The following C5orf63 variants were observed in gnomAD, a reference collection of about 807,000 sequenced individuals.
The protein encoded by C5orf63 is chromosome 5 open reading frame 63, also known as glutaredoxin-like protein C5orf63.
Under a neutral mutation model 13.3 loss-of-function variants are expected in C5orf63, and 18 were observed. The observed-to-expected ratio is 1.36, with a 90% CI of 0.94 to 2.01. The LOEUF is 2.01. Ranked by LOEUF, C5orf63 falls within the 30% of genes most tolerant of loss-of-function variation. The probability of loss-of-function intolerance (pLI) is 0.00; values close to 1 mark genes in which losing one functional copy is unlikely to be tolerated. For missense variants in C5orf63, 118 were observed against 127.7 expected, an observed-to-expected ratio of 0.92 and a Z score of 0.36; for synonymous variants, 38 against 44.7, an observed-to-expected ratio of 0.85 and a Z score of 0.60.
intron 2 of C5orf63, among the ~76,000 whole-genome samples, chr5:127,065,151 A>G (rs986536324): frequency 6.6e-6 from 1 of 152,222 alleles, no homozygotes; most frequent in African/African-American, 2.4e-5. Flanking sequence ...TCTTAACTAA[A>G]ACAATAAAGT....
chr5:127,069,448 C>T (rs539325238), intron 2 of C5orf63, among the ~76,000 whole-genome samples: 7 of 152,314 alleles, frequency 4.6e-5, no homozygotes, highest in Admixed American at 4.6e-4. Context: ...GTTTGCAATT[C>T]AAAAACCATC....
intron 2 of C5orf63, among the ~76,000 whole-genome samples, chr5:127,068,214 A>C (rs1754401432): frequency 6.6e-6 from 1 of 152,204 alleles, no homozygotes. Flanking sequence ...AGAAGGGGAA[A>C]TCACATGCTA....
intron 3 of C5orf63, among the ~76,000 whole-genome samples, chr5:127,054,232 T>A (rs573713212): frequency 6.6e-6 from 1 of 152,126 alleles, no homozygotes; most frequent in Non-Finnish European, 1.5e-5. Flanking sequence ...AATATGTGTA[T>A]ATATTTTTAT....
intron 3 of C5orf63, among the ~76,000 whole-genome samples, chr5:127,056,732 T>C (rs764460005): frequency 2.6e-5 from 4 of 152,188 alleles, no homozygotes; most frequent in Admixed American, 6.5e-5. Flanking sequence ...GCTGAAGAGA[T>C]TGTTAACATG....
intron 2 of C5orf63, among the ~76,000 whole-genome samples, chr5:127,059,736 A>G (rs1344381994): frequency 2.6e-5 from 4 of 151,484 alleles, no homozygotes; most frequent in African/African-American, 9.7e-5. Context: ...CTCAAAAAAA[A>G]AAAAAAAGAA....
At position 127,052,633 on chromosome 5, in the gene C5orf63, G is replaced by A; in HGVS notation, c.151C>T (p.Leu51Phe). 1 of 1,507,514 alleles carries A rather than the reference G, an allele frequency of 6.6e-7. No individual in the cohort carries two copies. The highest frequency in any genetic ancestry group is 8.8e-7 in the Non-Finnish European group (1 of 1,136,610). The allele number at this position is 1,507,514 out of a possible 1,614,324, so 93.4% of individuals were successfully genotyped here. A position where few individuals can be genotyped will look rare whatever the true frequency, so the allele number is the denominator to read the frequency against. ...CPLCDEAKEV[L>F]KPYENRFILQ... is the part of the protein sequence containing the mutation. Reference sequence around the variant, plus strand: ...ATTACCCTGTTTTCATAAGGCTTGAGTACTTCCTTGGCTTCATCACAAAGG... The same window carrying A: ...ATTACCCTGTTTTCATAAGGCTTGAATACTTCCTTGGCTTCATCACAAAGG... The change falls in exon 4 of 5, where the codon CTC (leucine) becomes TTC (phenylalanine). Residue 51 changes from leucine (L) to phenylalanine (F), a missense_variant. By Grantham distance (22) the Leu-to-Phe change is conservative (BLOSUM62 0). Coordinates refer to ENST00000296662, the MANE Select transcript of C5orf63 (RefSeq NM_001164478.2).
chr5:127,053,693 C>T (rs1166683432), intron 3 of C5orf63, among the ~76,000 whole-genome samples: 1 of 152,200 alleles, frequency 6.6e-6, no homozygotes, highest in East Asian at 1.9e-4. Flanking sequence ...GTTTGGTTTT[C>T]TGTCCATGCG....
At chr5:127,064,815 T>C (rs1754258079) in intron 2 of C5orf63, among the ~76,000 whole-genome samples, 1 of 152,224 alleles carries the variant, frequency 6.6e-6, no homozygotes, top group African/African-American at 2.4e-5. Flanking sequence ...CGATGGGTGC[T>C]ACATTAATTT....
intron 3 of C5orf63, among the ~76,000 whole-genome samples, chr5:127,055,720 G>A (rs1753857775): frequency 6.6e-6 from 1 of 152,014 alleles, no homozygotes; most frequent in African/African-American, 2.4e-5. Flanking sequence ...ACTCAACACA[G>A]GATCTTAAAA....
At chr5:127,045,336 ATC>A (rs886217496) in exon 5 of C5orf63, 2 of 152,180 alleles carry the variant, frequency 1.3e-5, no homozygotes, top group African/African-American at 4.8e-5. Flanking sequence ...ATAGGGGATA[ATC>A]TGTTTTCTTT....
intron 2 of C5orf63, among the ~76,000 whole-genome samples, chr5:127,069,611 G>A (rs185441046): frequency 2.0e-5 from 3 of 152,302 alleles, no homozygotes; most frequent in Admixed American, 2.0e-4. Flanking sequence ...TGGACATTGA[G>A]TTGCTAAATC....
intron 2 of C5orf63, among the ~76,000 whole-genome samples, chr5:127,062,160 A>G (rs1754134484): frequency 6.6e-6 from 1 of 152,266 alleles, no homozygotes; most frequent in African/African-American, 2.4e-5. Context: ...CCCAAGACAA[A>G]TAAAACCTGT....
At position 127,061,392 on chromosome 5, in the gene C5orf63, A is replaced by G. The variant is rs951965287; in HGVS notation, c.-7-2390T>C. On this transcript the variant is annotated intron_variant, in intron 2 of 4. Coordinates refer to ENST00000296662, the MANE Select transcript of C5orf63 (RefSeq NM_001164478.2). ...GAACAAAAAGACTGGATACTGATCC[A>G]TGAAAACAATGATTATTCCCTTATT... Among the ~76,000 whole-genome samples, 16 of 152,238 alleles carry G rather than the reference A, an allele frequency of 1.1e-4. No individual in the cohort carries two copies. The South Asian group carries it at 2.7e-3, about 26-fold the overall frequency.
Position 127,062,030 on chromosome 5 carries a change from C to T in C5orf63, c.-7-3028G>A, listed in dbSNP as rs1580531892. 2.0e-5 allele frequency among the ~76,000 whole-genome samples: 3 copies of T among 152,274 alleles called. No homozygotes were observed. In the South Asian group the frequency reaches 6.2e-4, roughly 32 times the overall value. ...GGTTGATAAGAAAAGGAAAACATTG[C>T]TTTTACCTGGCTGAGTTGAGACTGA... On this transcript the variant is annotated intron_variant, in intron 2 of 4. Transcript: ENST00000296662.
rs536931440 is a variant in C5orf63, at chr5:127,067,924, G to A, written c.-8+3660C>T. ...AGCTCCTACTAACTAATCAGTCAGA[G>A]GAATTAAGCATAAATGGTATAGTTC... On this transcript the variant is annotated intron_variant, in intron 2 of 4. Transcript: ENST00000296662. Among the ~76,000 whole-genome samples, 107 of 152,258 alleles carry A rather than the reference G, an allele frequency of 7.0e-4. 1 individual carries two copies. Among genetic ancestry groups the A allele is most frequent in the African/African-American group, 2.5e-3 (102 of 41,556 alleles).
At chr5:127,070,132 T>C (rs141266787) in intron 2 of C5orf63, among the ~76,000 whole-genome samples, 149 of 152,300 alleles carry the variant, frequency 9.8e-4, no homozygotes, top group African/African-American at 3.6e-3. Context: ...TTTCAGACAG[T>C]AGAATTCTTT....
chr5:127,045,417 C>A (rs987398686), exon 5 of C5orf63: 2 of 152,214 alleles, frequency 1.3e-5, no homozygotes, highest in African/African-American at 4.8e-5. Flanking sequence ...ATCACTCCAA[C>A]CTTTTGCTTC....
At chr5:127,056,663 A>G (rs1182270314) in intron 3 of C5orf63, among the ~76,000 whole-genome samples, 1 of 152,212 alleles carries the variant, frequency 6.6e-6, no homozygotes, top group East Asian at 1.9e-4. Context: ...GTGGGGACAC[A>G]GAGCCAAACC....
chr5:127,073,265 C>G (rs1002994491), intron 1 of C5orf63, 186 bp downstream of exon 1: 2 of 152,146 alleles, frequency 1.3e-5, no homozygotes, highest in African/African-American at 4.8e-5. Context: ...CACAGACACA[C>G]ACACACGCGT....
Sources: allele counts gnomAD v4.1 joint callset (sites outside exome capture counted in the v4.1 genomes callset), GRCh38; gene constraint gnomAD v4.1.1; transcripts MANE v1.5; gene names NCBI Gene and HGNC (gene_info 2026-07-23, HGNC 2026-07-21).